The following DPP6 variants were observed in gnomAD, a reference collection of about 807,000 sequenced individuals.
DPP6 encodes dipeptidyl peptidase like 6.
In DPP6, 69 loss-of-function variants were observed where a neutral mutation model predicts 122.6. The ratio of observed to expected loss-of-function variants is 0.56; its 90% CI spans 0.46 to 0.69. The LOEUF is 0.69. DPP6 is among the 30% of genes least tolerant of loss of function. The pLI is 0.00. For missense variants in DPP6, 928 were observed against 1,116.9 expected, an observed-to-expected ratio of 0.83 and a Z score of 2.41; for synonymous variants, 418 against 433.1, an observed-to-expected ratio of 0.97 and a Z score of 0.43.
At chr7:154,809,963 G>A (rs972222354) in intron 16 of DPP6, among the ~76,000 whole-genome samples, 4 of 152,260 alleles carry the variant, frequency 2.6e-5, no homozygotes, top group African/African-American at 7.2e-5. Context: ...TCTGCCTCCC[G>A]GTTTCAAGCG....
chr7:154,101,804 T>C (rs1398555527), intron 1 of DPP6, among the ~76,000 whole-genome samples: 1 of 151,494 alleles, frequency 6.6e-6, no homozygotes, highest in Admixed American at 6.6e-5. Context: ...GGCGGGCGCA[T>C]GTAATCCCAG....
At chr7:153,937,960 T>C (rs1460709945) in intron 1 of DPP6, among the ~76,000 whole-genome samples, 1 of 152,184 alleles carries the variant, frequency 6.6e-6, no homozygotes, top group Non-Finnish European at 1.5e-5. Flanking sequence ...AAGGATGACA[T>C]AGGTTCAAAA....
At chr7:154,192,503 G>GC (rs1157565894) in intron 1 of DPP6, among the ~76,000 whole-genome samples, 1 of 152,204 alleles carries the variant, frequency 6.6e-6, no homozygotes, top group Non-Finnish European at 1.5e-5. Flanking sequence ...TGAACTTAAA[G>GC]CCAGGCATAG....
At chr7:154,836,353 A>G (rs1185047845) in intron 16 of DPP6, among the ~76,000 whole-genome samples, 1 of 152,180 alleles carries the variant, frequency 6.6e-6, no homozygotes, top group African/African-American at 2.4e-5. Context: ...CCCATGCCCA[A>G]CCCACCTGGG....
chr7:154,295,936 A>T (rs73491245), intron 1 of DPP6, among the ~76,000 whole-genome samples: 1 of 141,634 alleles, frequency 7.1e-6, no homozygotes, highest in Non-Finnish European at 1.5e-5. Flanking sequence ...ATGCATAAAC[A>T]GTTGCTTCTT....
At position 154,892,562 on chromosome 7, in the gene DPP6, C is replaced by CGGAGG; in HGVS notation, c.*85_*89dup. The CGGAGG allele has an allele frequency of 1.5e-6, 1 of 649,004 alleles. No homozygotes were observed. The highest frequency in any genetic ancestry group is 2.6e-6 in the Non-Finnish European group (1 of 379,028). The allele number at this position is 649,004 out of a possible 1,614,324, so 40.2% of individuals were successfully genotyped here. Reference sequence around the variant, plus strand: ...GATTTCCCTGCCCTCCCTCTTCCCTCGGAGGGGCGGGGCGGGGCGGGGCCG... The same window carrying CGGAGG: ...GATTTCCCTGCCCTCCCTCTTCCCTCGGAGGGGAGGGGCGGGGCGGGGCGGGGCCG... On this transcript the variant is annotated 3_prime_UTR_variant, in exon 26 of 26. Coordinates refer to ENST00000377770, the MANE Select transcript of DPP6 (RefSeq NM_130797.4).
chr7:154,030,024 CA>C (rs952875281), intron 1 of DPP6, among the ~76,000 whole-genome samples: 3 of 152,054 alleles, frequency 2.0e-5, no homozygotes, highest in Non-Finnish European at 4.4e-5. Context: ...GGCAAAACCC[CA>C]TCTCTACTAA....
intron 3 of DPP6, chr7:154,475,364 AG>A: frequency 2.7e-6 from 1 of 366,966 alleles, no homozygotes; most frequent in Non-Finnish European, 5.3e-6. Flanking sequence ...GCTTAGCAAC[AG>A]GAACAGTGCA....
Position 154,109,283 on chromosome 7 carries a change from T to TTTTTTTC in DPP6, c.243+56241_243+56247dup, listed in dbSNP as rs746840913. Reference sequence around the variant, plus strand: ...CTAGTATGCTGTTACTTTTCTTTTCTTTTTTTCTTTTTTCTTTTTTCTTTT... The same window carrying TTTTTTTC: ...CTAGTATGCTGTTACTTTTCTTTTCTTTTTTTCTTTTTTCTTTTTTCTTTTTTCTTTT... On this transcript the variant is annotated intron_variant, in intron 1 of 25. Transcript: ENST00000377770. 6.1e-3 allele frequency among the ~76,000 whole-genome samples: 925 copies of TTTTTTTC among 152,330 alleles called. 4 individuals are homozygous for TTTTTTTC. The highest frequency in any genetic ancestry group is 0.022 in the African/African-American group (896 of 41,542).
intron 16 of DPP6, among the ~76,000 whole-genome samples, chr7:154,842,957 A>G (rs1184730983): frequency 6.6e-6 from 1 of 152,244 alleles, no homozygotes; most frequent in Non-Finnish European, 1.5e-5. Context: ...TATGAGGACC[A>G]GGCAGAGAGA....
chr7:154,752,276 C>G (rs1843434067), intron 8 of DPP6, among the ~76,000 whole-genome samples: 1 of 152,106 alleles, frequency 6.6e-6, no homozygotes, highest in Admixed American at 6.5e-5. Context: ...ATAATGTTAC[C>G]AGTACTGGAC....
At chr7:154,880,565 A>G (rs1805304835) in intron 20 of DPP6, among the ~76,000 whole-genome samples, 1 of 152,184 alleles carries the variant, frequency 6.6e-6, no homozygotes, top group Non-Finnish European at 1.5e-5. Context: ...CAATAGCAGC[A>G]GATGGACCCC....
intron 10 of DPP6, among the ~76,000 whole-genome samples, chr7:154,779,060 A>ACCT (rs1563201181): frequency 9.1e-4 from 2 of 2,194 alleles, no homozygotes; most frequent in Non-Finnish European, 8.5e-4. Context: ...CCCCACCATC[A>ACCT]CCACCATCAC....
chr7:153,990,273 A>G (rs187337499), intron 1 of DPP6, among the ~76,000 whole-genome samples: 2,288 of 84,874 alleles, frequency 0.027, 30 homozygotes, highest in African/African-American at 0.075. Flanking sequence ...GCCTTGCTGA[A>G]CAGTCCCGCC....
chr7:154,851,688 G>A (rs1802394727), intron 16 of DPP6, among the ~76,000 whole-genome samples: 1 of 152,164 alleles, frequency 6.6e-6, no homozygotes, highest in African/African-American at 2.4e-5. Flanking sequence ...AAGATACTCA[G>A]TTACATTTGA....
Position 154,576,880 on chromosome 7 carries a change from G to A in DPP6, c.627+9964G>A, listed in dbSNP as rs993775676. On this transcript the variant is annotated intron_variant, in intron 5 of 25. Coordinates refer to ENST00000377770, the MANE Select transcript of DPP6 (RefSeq NM_130797.4). ...GATTGCCACAGGCCTCAGAAACACC[G>A]GGTCTGGGAAGAGTGAAGCCAAGAG... Among the ~76,000 whole-genome samples the A allele has an allele frequency of 2.6e-5, 4 of 152,304 alleles. No individual in the cohort carries two copies. The East Asian group carries it at 7.7e-4, about 29-fold the overall frequency.
At chr7:153,872,248 G>C in the DPP6 span, among the ~76,000 whole-genome samples, 1 of 152,144 alleles carries the variant, frequency 6.6e-6, no homozygotes, top group African/African-American at 2.4e-5. Flanking sequence ...TCAGGGTATG[G>C]CCTGGTAATG....
chr7:154,837,423 TACAG>T (rs1801178588), intron 16 of DPP6, among the ~76,000 whole-genome samples: 1 of 143,194 alleles, frequency 7.0e-6, no homozygotes, highest in Non-Finnish European at 1.6e-5. Context: ...CGTGTATGCA[TACAG>T]ACACATTCAC....
At chr7:154,460,661 A>C (rs906819760) in intron 2 of DPP6, among the ~76,000 whole-genome samples, 3 of 152,198 alleles carry the variant, frequency 2.0e-5, no homozygotes, top group Non-Finnish European at 4.4e-5. Context: ...TTGGTTTTTA[A>C]AATCAAAAAC....
Sources: allele counts gnomAD v4.1 joint callset (sites outside exome capture counted in the v4.1 genomes callset), GRCh38; gene constraint gnomAD v4.1.1; transcripts MANE v1.5; gene names NCBI Gene and HGNC (gene_info 2026-07-23, HGNC 2026-07-21).